The following NUDCD1 variants were observed in gnomAD, a reference collection of about 807,000 sequenced individuals.
NUDCD1 encodes the protein NudC domain containing 1, also known as nudC domain-containing protein 1.
NUDCD1 carries 60 observed loss-of-function variants against 67.8 expected under a neutral mutation model. The observed-to-expected ratio is 0.88, with a 90% CI of 0.72 to 1.10. The LOEUF is 1.10. Among genes scored for constraint, NUDCD1 ranks in the 50% least tolerant of loss-of-function variants. The probability of loss-of-function intolerance (pLI) is 0.00; values close to 1 mark genes in which losing one functional copy is unlikely to be tolerated. For synonymous variants in NUDCD1, 244 were observed against 230.8 expected, an observed-to-expected ratio of 1.06 and a Z score of -0.52; for missense variants, 643 against 695.0, an observed-to-expected ratio of 0.93 and a Z score of 0.84.
rs2129840497 is a variant in NUDCD1 at position 109,242,460 on chromosome 8, T to G, written c.*549A>C. ...CTATGTCTGTGGCAGAGCAACTGGC[T>G]AAAAGTTACATAAAGCTATACTTAA... On this transcript the variant is annotated 3_prime_UTR_variant, in exon 10 of 10. Coordinates refer to ENST00000239690, the MANE Select transcript of NUDCD1 (RefSeq NM_032869.4). The G allele has an allele frequency of 3.9e-6, 1 of 255,534 alleles. No homozygotes were observed. The highest frequency in any genetic ancestry group is 1.1e-3 in the Middle Eastern group (1 of 872). The allele number at this position is 255,534 out of a possible 1,614,324, so 15.8% of individuals were successfully genotyped here.
intron 8 of NUDCD1, among the ~76,000 whole-genome samples, chr8:109,250,730 TA>T (rs1376091156): frequency 6.6e-6 from 1 of 152,058 alleles, no homozygotes; most frequent in Non-Finnish European, 1.5e-5. Flanking sequence ...GATGATCAAA[TA>T]TTTTTCTTTA....
chr8:109,316,726 C>T (rs1815406515), intron 2 of NUDCD1, among the ~76,000 whole-genome samples: 1 of 152,116 alleles, frequency 6.6e-6, no homozygotes, highest in African/African-American at 2.4e-5. Context: ...TACAAAATTT[C>T]TTAATACCTG....
At chr8:109,300,457 T>C (rs992819830) in intron 2 of NUDCD1, among the ~76,000 whole-genome samples, 5 of 152,140 alleles carry the variant, frequency 3.3e-5, no homozygotes, top group African/African-American at 1.2e-4. Flanking sequence ...CAAAATGCTC[T>C]GGAAAGTCTC....
intron 1 of NUDCD1, among the ~76,000 whole-genome samples, chr8:109,330,384 A>G (rs1815778771): frequency 6.6e-6 from 1 of 152,248 alleles, no homozygotes; most frequent in East Asian, 1.9e-4. Context: ...CAAGGTGCCC[A>G]TCAAAGGTTT....
At chr8:109,278,185 A>G (rs559376665) in intron 6 of NUDCD1, among the ~76,000 whole-genome samples, 2 of 152,226 alleles carry the variant, frequency 1.3e-5, no homozygotes, top group Non-Finnish European at 2.9e-5. Flanking sequence ...AAATTTGACT[A>G]TTTAAAAAAT....
At chr8:109,295,294 C>T (rs1168244550) in intron 3 of NUDCD1, among the ~76,000 whole-genome samples, 3 of 152,098 alleles carry the variant, frequency 2.0e-5, no homozygotes, top group Non-Finnish European at 2.9e-5. Flanking sequence ...ATCTCTCCTG[C>T]GCATTATTCT....
At chr8:109,297,596 T>G (rs187350595) in intron 2 of NUDCD1, among the ~76,000 whole-genome samples, 1 of 152,186 alleles carries the variant, frequency 6.6e-6, no homozygotes, top group African/African-American at 2.4e-5. Flanking sequence ...GTTCAAGGCA[T>G]CATCTTAGAA....
chr8:109,317,832 TA>T (rs1206918373), intron 2 of NUDCD1, among the ~76,000 whole-genome samples: 1 of 152,180 alleles, frequency 6.6e-6, no homozygotes, highest in South Asian at 2.1e-4. Context: ...CTTTAACGTC[TA>T]AAAAACCTTA....
chr8:109,302,243 G>C (rs1815006674), intron 2 of NUDCD1, among the ~76,000 whole-genome samples: 1 of 152,118 alleles, frequency 6.6e-6, no homozygotes, highest in Non-Finnish European at 1.5e-5. Flanking sequence ...CAGCACTTTT[G>C]ATTCCTCCAT....
intron 5 of NUDCD1, among the ~76,000 whole-genome samples, chr8:109,282,671 C>T (rs1374400599): frequency 1.5e-4 from 7 of 47,976 alleles, no homozygotes; most frequent in South Asian, 6.4e-4. Context: ...CATCACACAC[C>T]GGGGTTGTCG....
chr8:109,277,022 A>T (rs1440022807), intron 6 of NUDCD1, among the ~76,000 whole-genome samples: 3 of 152,156 alleles, frequency 2.0e-5, no homozygotes, highest in African/African-American at 7.2e-5. Flanking sequence ...GATGATGATA[A>T]TAATAGTAAT....
chr8:109,280,313 A>G (rs1254183058), intron 6 of NUDCD1, among the ~76,000 whole-genome samples: 3 of 152,148 alleles, frequency 2.0e-5, no homozygotes, highest in Non-Finnish European at 4.4e-5. Flanking sequence ...TGTGTCAAAA[A>G]ACTTTTTTAT....
intron 5 of NUDCD1, among the ~76,000 whole-genome samples, chr8:109,287,917 T>C (rs190736747): frequency 1.3e-5 from 2 of 152,190 alleles, no homozygotes; most frequent in South Asian, 2.1e-4. Flanking sequence ...ATTCTCTCAA[T>C]TACTGGTTGC....
At chr8:109,287,786 T>C (rs1197196294) in intron 5 of NUDCD1, among the ~76,000 whole-genome samples, 1 of 151,994 alleles carries the variant, frequency 6.6e-6, no homozygotes, top group Non-Finnish European at 1.5e-5. Context: ...AAAATAGAAG[T>C]TGAAATTTTA....
intron 4 of NUDCD1, among the ~76,000 whole-genome samples, chr8:109,290,354 CA>C (rs970302261): frequency 6.6e-6 from 1 of 152,086 alleles, no homozygotes; most frequent in African/African-American, 2.4e-5. Context: ...CCCAGAACTC[CA>C]ACATGACCGG....
At chr8:109,261,897 A>G (rs540906859) in intron 8 of NUDCD1, among the ~76,000 whole-genome samples, 15 of 152,300 alleles carry the variant, frequency 9.8e-5, no homozygotes, top group African/African-American at 3.1e-4. Flanking sequence ...AGTAAGGGCT[A>G]GTACACACCA....
chr8:109,289,580 C>T lies in NUDCD1; in HGVS notation c.823+171G>A, dbSNP rs78771501. Among the ~76,000 whole-genome samples the T allele has an allele frequency of 5.2e-4, 79 of 152,134 alleles. No homozygotes were observed. In the East Asian group the frequency reaches 9.8e-3, roughly 19 times the overall value. Reference sequence around the variant, plus strand: ...ATCAAATTAAACCAGTTCATTCACACTATTAAGGTGGTATACCTTATAAAA... The same window carrying T: ...ATCAAATTAAACCAGTTCATTCACATTATTAAGGTGGTATACCTTATAAAA... On this transcript the variant is annotated intron_variant, in intron 5 of 9. Transcript: ENST00000239690.
intron 6 of NUDCD1, among the ~76,000 whole-genome samples, chr8:109,279,536 T>C (rs1814379632): frequency 1.3e-5 from 2 of 152,256 alleles, no homozygotes; most frequent in Non-Finnish European, 2.9e-5. Context: ...TCCCAGTTCA[T>C]GGCTTACCTT....
At chr8:109,248,556 G>A (rs1459437625) in intron 8 of NUDCD1, among the ~76,000 whole-genome samples, 1 of 152,090 alleles carries the variant, frequency 6.6e-6, no homozygotes, top group East Asian at 1.9e-4. Context: ...TGAAGATTCT[G>A]TAAGGCAAAA....
Sources: allele counts gnomAD v4.1 joint callset (sites outside exome capture counted in the v4.1 genomes callset), GRCh38; gene constraint gnomAD v4.1.1; transcripts MANE v1.5; gene names NCBI Gene and HGNC (gene_info 2026-07-23, HGNC 2026-07-21).